Variants in PRSS23 observed in about 807,000 individuals in gnomAD.
PRSS23 encodes the protein protease, serine 23.
A neutral mutation model predicts 34.7 loss-of-function variants in PRSS23; 25 were observed. The observed-to-expected ratio is 0.72, with a 90% CI of 0.53 to 1.01. The LOEUF (loss-of-function observed/expected upper bound fraction) is 1.01. Ranked by LOEUF, PRSS23 falls within the 50% of genes least tolerant of loss-of-function variation. The pLI, the probability that PRSS23 is intolerant of heterozygous loss-of-function variation, is 0.00. For missense variants in PRSS23, 445 were observed against 475.6 expected (o/e 0.94, Z 0.60); for synonymous variants, 176 against 186.6 (o/e 0.94, Z 0.46).
chr11:86,887,605 T>C (rs1044826282), intron 2 of PRSS23, among the ~76,000 whole-genome samples: 14 of 152,120 alleles, frequency 9.2e-5, no homozygotes, highest in African/African-American at 3.4e-4. Flanking sequence ...GAAAGAATAT[T>C]ATAACTGTCC....
chr11:86,826,934 G>A (rs908457390), intron 2 of PRSS23, among the ~76,000 whole-genome samples: 2 of 152,134 alleles, frequency 1.3e-5, no homozygotes, highest in East Asian at 1.9e-4. Flanking sequence ...TGTTCATCAA[G>A]GATATTGGTC....
At chr11:86,917,180 G>A (rs117358490) in intron 2 of PRSS23, among the ~76,000 whole-genome samples, 20 of 152,150 alleles carry the variant, frequency 1.3e-4, no homozygotes, top group South Asian at 2.1e-4. Context: ...TGACCCAGGC[G>A]TGGTGGCACA....
In PRSS23 at chr11:86,891,829, T is replaced by TCTA. The variant is rs1351712664; in HGVS notation, c.207-59387_207-59386insCTA. Among the ~76,000 whole-genome samples the TCTA allele has an allele frequency of 1.0e-3, 158 of 152,280 alleles. 1 individual carries two copies. Among genetic ancestry groups the TCTA allele is most frequent in the African/African-American group, 3.5e-3 (144 of 41,548 alleles). ...GAGATCTGATGGTTTTCTAAGTGTT[T>TCTA]GGTAGTTCCTCCTGCGTTCATTCTC... On this transcript the variant is annotated intron_variant, in intron 2 of 2. Coordinates refer to the PRSS23 transcript ENST00000533902.
intron 2 of PRSS23, among the ~76,000 whole-genome samples, chr11:86,838,492 C>A (rs1049070588): frequency 2.6e-5 from 4 of 152,214 alleles, no homozygotes; most frequent in African/African-American, 9.7e-5. Flanking sequence ...CTGGAACCCA[C>A]CACAGCTCAG....
At chr11:86,885,171 A>G (rs1415511429) in intron 2 of PRSS23, among the ~76,000 whole-genome samples, 7 of 152,246 alleles carry the variant, frequency 4.6e-5, no homozygotes, top group Non-Finnish European at 7.3e-5. Flanking sequence ...CATACTATAT[A>G]ACATCATTAA....
At chr11:86,849,907 A>G (rs1948516249) in intron 2 of PRSS23, among the ~76,000 whole-genome samples, 2 of 152,182 alleles carry the variant, frequency 1.3e-5, no homozygotes, top group Non-Finnish European at 2.9e-5. Context: ...GAAGAGCCCT[A>G]GACATAGTAA....
At chr11:86,803,265 C>A (rs757558066) in intron 1 of PRSS23, among the ~76,000 whole-genome samples, 1 of 152,148 alleles carries the variant, frequency 6.6e-6, no homozygotes, top group Non-Finnish European at 1.5e-5. Context: ...AGGTGTGAGT[C>A]TTCCAGGCAG....
intron 2 of PRSS23, among the ~76,000 whole-genome samples, chr11:86,883,058 C>G (rs572283727): frequency 2.4e-4 from 37 of 152,170 alleles, no homozygotes; most frequent in African/African-American, 7.5e-4. Flanking sequence ...TTGTTTGTTT[C>G]TTTCTGGTAA....
At chr11:86,902,639 T>C (rs1948919142) in intron 2 of PRSS23, among the ~76,000 whole-genome samples, 1 of 152,162 alleles carries the variant, frequency 6.6e-6, no homozygotes, top group Non-Finnish European at 1.5e-5. Flanking sequence ...AAAAGATTAG[T>C]GTACATGATG....
At chr11:86,857,145 G>A in intron 2 of PRSS23, 1 of 331,304 alleles carries the variant, frequency 3.0e-6, no homozygotes, top group Non-Finnish European at 5.7e-6. Flanking sequence ...AGATGAAAGG[G>A]TTCAGCATGG....
chr11:86,930,918 G>A (rs1231093866), intron 2 of PRSS23, among the ~76,000 whole-genome samples: 1 of 152,000 alleles, frequency 6.6e-6, no homozygotes, highest in Admixed American at 6.6e-5. Flanking sequence ...GAAAAACAGC[G>A]GGCAGGAAGA....
chr11:86,933,149 G>C (rs1456737712), intron 2 of PRSS23: 5 of 152,268 alleles, frequency 3.3e-5, no homozygotes, highest in African/African-American at 1.2e-4. Flanking sequence ...TGGCGGGCAC[G>C]CTGACCAAAC....
At chr11:86,821,229 T>G in intron 1 of PRSS23, 4 of 543,360 alleles carry the variant, frequency 7.4e-6, no homozygotes, top group Non-Finnish European at 1.2e-5. Flanking sequence ...AAATTATATT[T>G]CATCTAATTC....
intron 2 of PRSS23, among the ~76,000 whole-genome samples, chr11:86,850,912 T>C (rs754572977): frequency 5.9e-5 from 9 of 152,200 alleles, no homozygotes; most frequent in Non-Finnish European, 8.8e-5. Context: ...ACCACACCTA[T>C]TCCTTGCCTT....
chr11:86,948,424 G>A (rs529585241), intron 2 of PRSS23: 1 of 152,142 alleles, frequency 6.6e-6, no homozygotes, highest in Non-Finnish European at 1.5e-5. Flanking sequence ...TTTAAGAAGT[G>A]ATGGAGTTGA....
chr11:86,899,417 G>C (rs1358747741), intron 2 of PRSS23, among the ~76,000 whole-genome samples: 1 of 152,120 alleles, frequency 6.6e-6, no homozygotes, highest in Non-Finnish European at 1.5e-5. Context: ...TACTTGGGGG[G>C]CAGAGGCGAG....
chr11:86,876,992 C>T (rs961474447), intron 2 of PRSS23, among the ~76,000 whole-genome samples: 4 of 152,166 alleles, frequency 2.6e-5, no homozygotes, highest in Non-Finnish European at 4.4e-5. Context: ...TCTACCTGCA[C>T]GGCTGAGCCC....
chr11:86,854,956 G>A (rs754196610), intron 2 of PRSS23, among the ~76,000 whole-genome samples: 38 of 152,050 alleles, frequency 2.5e-4, no homozygotes, highest in African/African-American at 4.1e-4. Context: ...ACCTGAGGTC[G>A]GAAGTTCAAG....
intron 2 of PRSS23, among the ~76,000 whole-genome samples, chr11:86,879,378 TCCG>T (rs1421046095): frequency 2.0e-5 from 3 of 150,386 alleles, no homozygotes; most frequent in African/African-American, 7.4e-5. Flanking sequence ...GAGGAGCCCC[TCCG>T]CCCGGCAGCC....
Sources: allele counts gnomAD v4.1 joint callset (sites outside exome capture counted in the v4.1 genomes callset), GRCh38; gene constraint gnomAD v4.1.1; transcripts MANE v1.5; gene names NCBI Gene and HGNC (gene_info 2026-07-23, HGNC 2026-07-21).